Variants in KIAA1217 observed in about 807,000 individuals in gnomAD.
KIAA1217 encodes the protein sickle tail protein homolog.
Under a neutral mutation model 163.9 loss-of-function variants are expected in KIAA1217, and 88 were observed. That is an observed-to-expected ratio of 0.54 (90% CI 0.45 to 0.64). The LOEUF is 0.64. Ranked by LOEUF, KIAA1217 falls within the 30% of genes least tolerant of loss-of-function variation. The pLI, the probability that KIAA1217 is intolerant of heterozygous loss-of-function variation, is 0.00. For missense variants in KIAA1217, 2,372 were observed against 2,475.0 expected, an observed-to-expected ratio of 0.96 and a Z score of 0.88; for synonymous variants, 903 against 923.1, an observed-to-expected ratio of 0.98 and a Z score of 0.39.
chr10:23,758,941 G>C (rs1834093073), intron 1 of KIAA1217, among the ~76,000 whole-genome samples: 1 of 151,700 alleles, frequency 6.6e-6, no homozygotes, highest in Non-Finnish European at 1.5e-5. Context: ...CCTGGGGTGG[G>C]TTTTTCTATT....
chr10:23,834,945 T>C (rs1009783937), intron 1 of KIAA1217, among the ~76,000 whole-genome samples: 1 of 152,142 alleles, frequency 6.6e-6, no homozygotes, highest in African/African-American at 2.4e-5. Flanking sequence ...AAGTAGTCAC[T>C]TGAAATGACT....
intron 1 of KIAA1217, among the ~76,000 whole-genome samples, chr10:23,729,964 C>T (rs141149635): frequency 0.016 from 2,389 of 151,822 alleles, 49 homozygotes; most frequent in African/African-American, 0.055. Context: ...TGCAGTGGCA[C>T]GATCTCTGTT....
chr10:24,521,439 T>G (rs1459468822), intron 11 of KIAA1217, among the ~76,000 whole-genome samples: 7 of 151,074 alleles, frequency 4.6e-5, no homozygotes, highest in Non-Finnish European at 1.0e-4. Context: ...CCCAGGTGTT[T>G]GAGGCTCCAG....
intron 4 of KIAA1217, among the ~76,000 whole-genome samples, chr10:24,433,761 C>T (rs1338487076): frequency 6.6e-6 from 1 of 151,800 alleles, no homozygotes; most frequent in East Asian, 1.9e-4. Context: ...CCCACTGGGT[C>T]GTTATTTACA....
intron 1 of KIAA1217, among the ~76,000 whole-genome samples, chr10:23,848,564 A>C (rs1459626390): frequency 6.6e-6 from 1 of 151,994 alleles, no homozygotes; most frequent in Non-Finnish European, 1.5e-5. Flanking sequence ...AACACACATA[A>C]AACACACACT....
At chr10:23,842,460 C>G (rs1206408712) in intron 1 of KIAA1217, among the ~76,000 whole-genome samples, 1 of 152,058 alleles carries the variant, frequency 6.6e-6, no homozygotes, top group East Asian at 1.9e-4. Context: ...GGAGCGAGTG[C>G]TGGGTAGACA....
At chr10:24,468,600 T>G (rs1445570393) in intron 5 of KIAA1217, among the ~76,000 whole-genome samples, 3 of 152,142 alleles carry the variant, frequency 2.0e-5, no homozygotes, top group Non-Finnish European at 4.4e-5. Flanking sequence ...CGGTGACCCT[T>G]TTGGATGATG....
intron 1 of KIAA1217, among the ~76,000 whole-genome samples, chr10:23,908,067 G>A (rs1002721017): frequency 3.9e-5 from 6 of 152,084 alleles, no homozygotes; most frequent in South Asian, 4.1e-4. Flanking sequence ...GCAAATGACC[G>A]TAAGAAGACC....
intron 1 of KIAA1217, among the ~76,000 whole-genome samples, chr10:23,988,953 A>T (rs1340102313): frequency 6.6e-6 from 1 of 152,252 alleles, no homozygotes; most frequent in Non-Finnish European, 1.5e-5. Context: ...CATGATTTAG[A>T]ATCTCATTAC....
intron 2 of KIAA1217, among the ~76,000 whole-genome samples, chr10:24,151,468 G>A (rs1402150574): frequency 6.9e-6 from 1 of 144,120 alleles, no homozygotes; most frequent in Non-Finnish European, 1.5e-5. Flanking sequence ...TATGCATCGG[G>A]CATGGTTCAA....
At chr10:23,937,487 T>C (rs1387305919) in intron 1 of KIAA1217, among the ~76,000 whole-genome samples, 1 of 152,184 alleles carries the variant, frequency 6.6e-6, no homozygotes, top group East Asian at 1.9e-4. Context: ...ACGATATACA[T>C]CCGGCAGTAC....
At chr10:24,275,409 A>G (rs2077174119) in intron 2 of KIAA1217, among the ~76,000 whole-genome samples, 1 of 152,220 alleles carries the variant, frequency 6.6e-6, no homozygotes, top group South Asian at 2.1e-4. Context: ...GTGCTTCCTT[A>G]CAGTATGAAA....
intron 2 of KIAA1217, among the ~76,000 whole-genome samples, chr10:24,300,656 C>A (rs1451786162): frequency 6.6e-6 from 1 of 152,190 alleles, no homozygotes; most frequent in East Asian, 1.9e-4. Context: ...CAGCCTCCAC[C>A]TCCTGGGTTC....
At chr10:24,124,453 AT>A (rs1374033980) in intron 2 of KIAA1217, among the ~76,000 whole-genome samples, 1 of 152,068 alleles carries the variant, frequency 6.6e-6, no homozygotes, top group Admixed American at 6.6e-5. Flanking sequence ...TCTTATTGAT[AT>A]CATGATTAGG....
chr10:23,796,670 T>C (rs1836223920), intron 1 of KIAA1217, among the ~76,000 whole-genome samples: 1 of 152,044 alleles, frequency 6.6e-6, no homozygotes. Flanking sequence ...GCTGCTTTGT[T>C]TGTCTCTTAT....
chr10:23,963,262 C>A (rs1019160727), intron 1 of KIAA1217, among the ~76,000 whole-genome samples: 2 of 152,162 alleles, frequency 1.3e-5, no homozygotes, highest in Non-Finnish European at 2.9e-5. Context: ...CTCTCCCTTC[C>A]CTTGTCCCCC....
intron 1 of KIAA1217, among the ~76,000 whole-genome samples, chr10:23,790,148 C>CGCATATGCATAT (rs1835703485): frequency 1.3e-5 from 1 of 78,406 alleles, no homozygotes; most frequent in Admixed American, 1.4e-4. Context: ...TACACATATA[C>CGCATATGCATAT]ACATATGCAT....
At chr10:24,269,162 A>G (rs1252820983) in intron 2 of KIAA1217, among the ~76,000 whole-genome samples, 4 of 148,054 alleles carry the variant, frequency 2.7e-5, no homozygotes, top group African/African-American at 1.0e-4. Flanking sequence ...ATACATATGT[A>G]ACTAACCTGC....
intron 1 of KIAA1217, among the ~76,000 whole-genome samples, chr10:23,705,294 A>G (rs1751561815): frequency 6.6e-6 from 1 of 152,204 alleles, no homozygotes; most frequent in Admixed American, 6.5e-5. Flanking sequence ...AAGTACAATT[A>G]TCTGTTTTTT....
Sources: gnomAD v4.1 joint callset for allele counts (sites outside exome capture counted in the v4.1 genomes callset) on GRCh38, gnomAD v4.1.1 for gene constraint, MANE v1.5 for transcripts, NCBI Gene and HGNC (gene_info 2026-07-23, HGNC 2026-07-21) for gene names.